The following G6PC2 variants were observed in gnomAD, a reference collection of about 807,000 sequenced individuals.
The protein encoded by G6PC2 is glucose-6-phosphatase 2.
Under a neutral mutation model 35.4 loss-of-function variants are expected in G6PC2, and 41 were observed. The observed-to-expected ratio is 1.16, with a 90% confidence interval of 0.90 to 1.50. The LOEUF (loss-of-function observed/expected upper bound fraction) is 1.50, where lower values mean the gene tolerates loss of function less well. Among genes scored for constraint, G6PC2 ranks in the 40% most tolerant of loss-of-function variants. The pLI is 0.00. For synonymous variants in G6PC2, 165 were observed against 153.2 expected (o/e 1.08, Z -0.57); for missense variants, 441 against 426.5 (o/e 1.03, Z -0.30).
rs2232325 is a variant in G6PC2, at chr2:168,907,773, G to A, written c.762G>A (p.Thr254=). 2.0e-4 allele frequency: 315 copies of A among 1,613,898 alleles called. No homozygotes were observed. The highest frequency in any genetic ancestry group is 2.5e-4 in the Non-Finnish European group (290 of 1,179,980). The part of the protein sequence containing the change: ...ANPDWIHIDT[T]PFAGLVRNLG... ...CCGACTGGATCCACATTGACACCAC[G>A]CCTTTTGCTGGACTCGTGAGAAACC... Residue 254 remains threonine (T), a synonymous_variant, in exon 5 of 5, where the codon ACG becomes ACA. Transcript: ENST00000375363.
At position 168,902,402 on chromosome 2, in the gene G6PC2, T is replaced by A. The variant is rs747162733; in HGVS notation, c.219-43T>A. 6 of 806,536 alleles carry A rather than the reference T, an allele frequency of 7.4e-6. No individual in the cohort carries two copies. In the South Asian group the frequency reaches 8.2e-5, roughly 11 times the overall value. The allele number at this position is 806,536 out of a possible 1,614,324, so 50.0% of individuals were successfully genotyped here. ...CTAATCTCCAATTAAATAATAGCTG[T>A]GTATTTAAATATATATGCATGTTTA... On this transcript the variant is annotated intron_variant, in intron 1 of 4. Transcript: ENST00000375363.
At chr2:168,901,945 A>G in intron 1 of G6PC2, among the ~76,000 whole-genome samples, 1 of 152,132 alleles carries the variant, frequency 6.6e-6, no homozygotes, top group Non-Finnish European at 1.5e-5. Context: ...TATGTTGGTC[A>G]GGCTGGTCTC....
At position 168,902,556 on chromosome 2, in the gene G6PC2, T is replaced by C; in HGVS notation, c.328+2T>C. The C allele has an allele frequency of 8.1e-7, 1 of 1,238,956 alleles. No homozygotes were observed. The highest frequency in any genetic ancestry group is 1.2e-6 in the Non-Finnish European group (1 of 837,184). The allele number at this position is 1,238,956 out of a possible 1,614,324, so 76.7% of individuals were successfully genotyped here. On this transcript the variant is annotated splice_donor_variant, in intron 2 of 4. Coordinates refer to ENST00000375363, the MANE Select transcript of G6PC2 (RefSeq NM_021176.3). LOFTEE classifies it high-confidence loss of function. ...CTACTACATGTGAAACAGGTCCAGG[T>C]AAGCTATTACAGCAGGCTCCAGTTA...
In G6PC2 at chr2:168,907,930, T is replaced by C; in HGVS notation, c.919T>C (p.Tyr307His). 2 of 1,614,174 alleles carry C rather than the reference T, an allele frequency of 1.2e-6. No individual in the cohort carries two copies. Among genetic ancestry groups the C allele is most frequent in the East Asian group, 4.5e-5 (2 of 44,888 alleles). ...ALTSLTILQL[Y>H]HFLQIPTHEE... ...GACCTCATTGACAATACTGCAGCTC[T>C]ACCATTTCCTCCAGATCCCGACTCA... The change falls in exon 5 of 5, where the codon TAC becomes CAC. Residue 307 changes from tyrosine (Y) to histidine (H), a missense_variant. By Grantham distance (83) the Tyr-to-His change is moderately conservative. Transcript: ENST00000375363.
At chr2:168,903,297 T>C (rs1690639796) in intron 2 of G6PC2, among the ~76,000 whole-genome samples, 2 of 152,206 alleles carry the variant, frequency 1.3e-5, no homozygotes, top group African/African-American at 2.4e-5. Flanking sequence ...GAAACTAACT[T>C]TGAGTAAAGG....
chr2:168,909,961 C>T lies in G6PC2; in HGVS notation c.*1882C>T, dbSNP rs988541966. 1 of 152,170 alleles carries T rather than the reference C, an allele frequency of 6.6e-6. No homozygotes were observed. Among genetic ancestry groups the T allele is most frequent in the Admixed American group, 6.6e-5 (1 of 15,266 alleles). 9.4% of individuals were successfully genotyped at this position (152,170 alleles called of 1,614,324 possible). A position where few individuals can be genotyped will look rare whatever the true frequency, so the allele number is the denominator to read the frequency against. On this transcript the variant is annotated 3_prime_UTR_variant, in exon 5 of 5. Transcript: ENST00000375363. ...TAATAGCTTTCTTTCTAAAAGGCAA[C>T]TGAACTTTCTAAAAGGTAAATAAAC... is the stretch of plus-strand genomic sequence containing the variant.
At chr2:168,906,913 G>A (rs1419261190) in intron 4 of G6PC2, 134 bp downstream of exon 4, 1 of 712,034 alleles carries the variant, frequency 1.4e-6, no homozygotes, top group Non-Finnish European at 2.6e-6. Context: ...GATACTAAAT[G>A]CTACCCCGGG....
rs1455889930 is a variant in G6PC2, at chr2:168,907,799, T to C, written c.788T>C (p.Leu263Pro). The C allele has an allele frequency of 4.3e-6, 7 of 1,613,970 alleles. No individual in the cohort carries two copies. The East Asian group carries it at 6.7e-5, about 15-fold the overall frequency. The change falls in exon 5 of 5, where the codon CTT (leucine) becomes CCT (proline). Residue 263 changes from leucine to proline, a missense_variant. Leu to Pro is a moderately conservative substitution (Grantham distance 98, BLOSUM62 -3). Transcript: ENST00000375363. ...CCTTTTGCTGGACTCGTGAGAAACC[T>C]TGGGGTCCTCTTTGGCTTGGGCTTT... is the stretch of plus-strand genomic sequence containing the variant. ...TTPFAGLVRNLGVLFGLGFAI... is the reference protein window; with the variant it reads ...TTPFAGLVRNPGVLFGLGFAI...
chr2:168,906,690 T>C lies in G6PC2; in HGVS notation c.467T>C (p.Val156Ala), dbSNP rs1231636706. 6 of 1,594,974 alleles carry C rather than the reference T, an allele frequency of 3.8e-6. No homozygotes were observed. The Admixed American group carries it at 6.7e-5, about 18-fold the overall frequency. ...HRLTWSFLWSVFWLIQISVCI... is the reference protein window; with the variant it reads ...HRLTWSFLWSAFWLIQISVCI... Reference sequence around the variant, plus strand: ...CTGACCTGGTCATTTCTTTGGAGTGTTTTTTGGTTGATTCAAATCAGTGTC... The same window carrying C: ...CTGACCTGGTCATTTCTTTGGAGTGCTTTTTGGTTGATTCAAATCAGTGTC... The change falls in exon 4 of 5, where the codon GTT becomes GCT. Residue 156 changes from valine (V) to alanine (A), a missense_variant. By Grantham distance (64) the Val-to-Ala change is moderately conservative. Transcript: ENST00000375363.
At position 168,901,420 on chromosome 2, in the gene G6PC2, C is replaced by T. The variant is rs142189264; in HGVS notation, c.89C>T (p.Ser30Phe). The T allele has an allele frequency of 4.8e-4, 771 of 1,597,930 alleles. No individual in the cohort carries two copies. The highest frequency in any genetic ancestry group is 6.1e-4 in the Non-Finnish European group (710 of 1,165,336). Residue 30 changes from serine to phenylalanine, a missense_variant, in exon 1 of 5, where the codon TCC becomes TTC. By Grantham distance (155) the Ser-to-Phe change is radical (BLOSUM62 -2). Transcript: ENST00000375363. ...TACTACACTTTTCTAAATTTTATGT[C>T]CAATGTTGGAGACCCCAGGAATATC... ...RAYYTFLNFMSNVGDPRNIFF... is the reference protein window; with the variant it reads ...RAYYTFLNFMFNVGDPRNIFF...
In G6PC2 at chr2:168,909,807, T is replaced by C. The variant is rs1574379557; in HGVS notation, c.*1728T>C. ...AATCTATGAATATTAATGAAAACAA[T>C]ACAGTTGAAGTGAGTGTTGTTTAAC... On this transcript the variant is annotated 3_prime_UTR_variant, in exon 5 of 5. Coordinates refer to ENST00000375363, the MANE Select transcript of G6PC2 (RefSeq NM_021176.3). 6.6e-6 allele frequency: 1 copy of C among 152,206 alleles called. No homozygotes were observed. Among genetic ancestry groups the C allele is most frequent in the Non-Finnish European group, 1.5e-5 (1 of 68,032 alleles). The allele number at this position is 152,206 out of a possible 1,614,324, so 9.4% of individuals were successfully genotyped here. A position where few individuals can be genotyped will look rare whatever the true frequency, so the allele number is the denominator to read the frequency against.
chr2:168,901,561 GT>G lies in G6PC2; in HGVS notation c.218+16del. 7.7e-7 allele frequency: 1 copy of G among 1,297,946 alleles called. No homozygotes were observed. Among genetic ancestry groups the G allele is most frequent in the Non-Finnish European group, 1.1e-6 (1 of 895,054 alleles). 80.4% of individuals were successfully genotyped at this position (1,297,946 alleles called of 1,614,324 possible). The stretch of plus-strand genomic sequence containing the variant: ...CTTATATTTAAATGGTAAGATTTCT[GT>G]TTTATTTCATTTTTTCCTAAGATTT... On this transcript the variant is annotated intron_variant, in intron 1 of 4. Coordinates refer to ENST00000375363, the MANE Select transcript of G6PC2 (RefSeq NM_021176.3).
In G6PC2 at chr2:168,907,633, CT is replaced by C; in HGVS notation, c.623del (p.Leu208ArgfsTer31). The C allele has an allele frequency of 6.2e-7, 1 of 1,613,816 alleles. No homozygotes were observed. Among genetic ancestry groups the C allele is most frequent in the Non-Finnish European group, 8.5e-7 (1 of 1,179,708 alleles). On this transcript the variant is annotated frameshift_variant, in exon 5 of 5. Coordinates refer to ENST00000375363, the MANE Select transcript of G6PC2 (RefSeq NM_021176.3). LOFTEE classifies it high-confidence loss of function. ...CCAAACGGCCAGTCTGGGCACATAC[CT>C]GAAGACCAACCTCTTTCTCTTCCTG... ...GIQTASLGTY[L>X]KTNLFLFLFA...
At chr2:168,906,115 GAA>G (rs34296063) in intron 3 of G6PC2, among the ~76,000 whole-genome samples, 10 of 130,566 alleles carry the variant, frequency 7.7e-5, no homozygotes, top group South Asian at 4.7e-4. Context: ...CAAAACAAAA[GAA>G]AAAAAAAAAA....
At chr2:168,904,643 ACTGG>A in intron 3 of G6PC2, 27 bp downstream of exon 3, 5 of 1,173,026 alleles carry the variant, frequency 4.3e-6, no homozygotes, top group Non-Finnish European at 5.1e-6. Context: ...TTTCTGTAGC[ACTGG>A]AATATGACAG....
intron 3 of G6PC2, among the ~76,000 whole-genome samples, chr2:168,905,689 C>T (rs1343946323): frequency 6.6e-6 from 1 of 152,106 alleles, no homozygotes; most frequent in Non-Finnish European, 1.5e-5. Flanking sequence ...TATGTTTCTT[C>T]TAAGAAAAAA....
intron 2 of G6PC2, among the ~76,000 whole-genome samples, chr2:168,904,165 T>C (rs1690658855): frequency 6.6e-6 from 1 of 152,132 alleles, no homozygotes; most frequent in Admixed American, 6.5e-5. Context: ...CTAATACTTT[T>C]GCTTGTCAAT....
chr2:168,905,890 C>T (rs1467148971), intron 3 of G6PC2, among the ~76,000 whole-genome samples: 2 of 151,996 alleles, frequency 1.3e-5, no homozygotes, highest in Non-Finnish European at 2.9e-5. Flanking sequence ...AACCAAATTT[C>T]AGTCTGATTA....
At position 168,902,490 on chromosome 2, in the gene G6PC2, G is replaced by T. The variant is rs765261135; in HGVS notation, c.264G>T (p.Gln88His). The change falls in exon 2 of 5, where the codon CAG (glutamine) becomes CAT (histidine). Residue 88 changes from glutamine to histidine, a missense_variant. Transcript: ENST00000375363. ...CTTACTGGTGGGTCCAAGAAACTCA[G>T]ATTTACCCAAATCACTCAAGTCCAT... ...HRPYWWVQET[Q>H]IYPNHSSPCL... is the part of the protein sequence containing the mutation. The T allele has an allele frequency of 1.3e-6, 2 of 1,586,678 alleles. No homozygotes were observed. The highest frequency in any genetic ancestry group is 2.2e-5 in the East Asian group (1 of 44,744).
Sources: gnomAD v4.1 joint callset for allele counts (sites outside exome capture counted in the v4.1 genomes callset) on GRCh38, gnomAD v4.1.1 for gene constraint, MANE v1.5 for transcripts, NCBI Gene and HGNC (gene_info 2026-07-23, HGNC 2026-07-21) for gene names.